Variants in LRGUK observed in about 807,000 individuals in gnomAD.
The protein encoded by LRGUK is leucine rich repeats and guanylate kinase domain containing, also known as leucine-rich repeat and guanylate kinase domain-containing protein.
LRGUK carries 65 observed loss-of-function variants against 76.0 expected under a neutral mutation model. The observed-to-expected ratio is 0.85, with a 90% CI of 0.70 to 1.05. LRGUK has a LOEUF of 1.05. LRGUK is among the 50% of genes least tolerant of loss of function. The pLI, the probability that LRGUK is intolerant of heterozygous loss-of-function variation, is 0.00. For synonymous variants in LRGUK, 268 were observed against 265.6 expected (o/e 1.01, Z -0.09); for missense variants, 758 against 732.8 (o/e 1.03, Z -0.40).
intron 6 of LRGUK, among the ~76,000 whole-genome samples, chr7:134,162,439 C>T (rs951347078): frequency 6.6e-6 from 1 of 152,208 alleles, no homozygotes; most frequent in African/African-American, 2.4e-5. Context: ...AAAGCAGAAG[C>T]TGTCAGGCCT....
At chr7:134,172,018 G>A (rs1358909292) in intron 7 of LRGUK, among the ~76,000 whole-genome samples, 1 of 152,096 alleles carries the variant, frequency 6.6e-6, no homozygotes, top group Non-Finnish European at 1.5e-5. Flanking sequence ...AAGGGAAGAT[G>A]GGTCCCTTTC....
At chr7:134,159,752 G>T (rs1184555528) in intron 6 of LRGUK, among the ~76,000 whole-genome samples, 1 of 152,164 alleles carries the variant, frequency 6.6e-6, no homozygotes, top group East Asian at 1.9e-4. Context: ...TCGTGCCACT[G>T]AACTCCAGTC....
chr7:134,257,033 G>A (rs1372128542), intron 18 of LRGUK, among the ~76,000 whole-genome samples: 1 of 152,132 alleles, frequency 6.6e-6, no homozygotes, highest in African/African-American at 2.4e-5. Context: ...GGAGAGGATC[G>A]TGTCCACCTT....
chr7:134,258,344 G>T, exon 19 of LRGUK: 1 of 1,614,090 alleles, frequency 6.2e-7, no homozygotes, highest in Non-Finnish European at 8.5e-7. Flanking sequence ...CTCCGGAGGG[G>T]AGCATTTCTT....
chr7:134,182,061 T>C (rs1799777383), intron 10 of LRGUK, among the ~76,000 whole-genome samples: 2 of 152,208 alleles, frequency 1.3e-5, no homozygotes, highest in South Asian at 2.1e-4. Flanking sequence ...CTATCTATAA[T>C]GCTGTTATTT....
At chr7:134,253,740 G>A (rs549144515) in intron 18 of LRGUK, among the ~76,000 whole-genome samples, 5 of 152,268 alleles carry the variant, frequency 3.3e-5, no homozygotes, top group East Asian at 1.9e-4. Flanking sequence ...AGTGAAACCC[G>A]GGAGGCAGAG....
intron 4 of LRGUK, among the ~76,000 whole-genome samples, chr7:134,145,217 G>T (rs906676541): frequency 1.3e-5 from 2 of 151,834 alleles, no homozygotes; most frequent in African/African-American, 2.4e-5. Flanking sequence ...AAGGAATGAT[G>T]GTGGCCTCCT....
At chr7:134,268,717 CTTTTTTTTTTTTTTTT>C (rs71531815), downstream of LRGUK, among the ~76,000 whole-genome samples, 10 of 57,324 alleles carry the variant, frequency 1.7e-4, no homozygotes, top group Non-Finnish European at 2.8e-4. Flanking sequence ...TGCAAAAAAT[CTTTTTTTTTTTTTTTT>C]TTTTTTTTTT....
chr7:134,163,650 G>A, intron 7 of LRGUK, 110 bp downstream of exon 7: 1 of 951,640 alleles, frequency 1.1e-6, no homozygotes. Flanking sequence ...CACATTAAAT[G>A]TCAGCTTAGA....
intron 7 of LRGUK, among the ~76,000 whole-genome samples, chr7:134,165,245 A>C (rs1798922241): frequency 6.6e-6 from 1 of 152,202 alleles, no homozygotes; most frequent in African/African-American, 2.4e-5. Flanking sequence ...TGTAATCCTT[A>C]TTATAACCCT....
At chr7:134,237,919 A>G (rs140653479) in intron 16 of LRGUK, among the ~76,000 whole-genome samples, 17 of 152,322 alleles carry the variant, frequency 1.1e-4, no homozygotes, top group African/African-American at 4.1e-4. Context: ...AGGAGATGAT[A>G]CAATCTCCCA....
At position 134,199,920 on chromosome 7, in the gene LRGUK, C is replaced by A. The variant is rs1256367266; in HGVS notation, c.1747+499C>A. 5.7e-5 allele frequency among the ~76,000 whole-genome samples: 7 copies of A among 123,360 alleles called. No individual in the cohort carries two copies. In the South Asian group the frequency reaches 1.3e-3, roughly 24 times the overall value. 80.9% of individuals were successfully genotyped at this position (123,360 alleles called of 152,430 possible). A position where few individuals can be genotyped will look rare whatever the true frequency, so the allele number is the denominator to read the frequency against. ...AGAATTTATCAAAATATGAAAATTT[C>A]TATATATATATGTACATATTTTTAC... is the stretch of plus-strand genomic sequence containing the variant. On this transcript the variant is annotated intron_variant, in intron 14 of 15. Transcript: ENST00000645682.
At chr7:134,218,317 G>A (rs958016543) in intron 15 of LRGUK, among the ~76,000 whole-genome samples, 5 of 152,138 alleles carry the variant, frequency 3.3e-5, no homozygotes, top group Non-Finnish European at 5.9e-5. Context: ...AAAAATTAAA[G>A]TCTGTTTCTA....
At chr7:134,142,634 C>T (rs1797812670) in intron 3 of LRGUK, among the ~76,000 whole-genome samples, 3 of 152,204 alleles carry the variant, frequency 2.0e-5, no homozygotes, top group Admixed American at 2.0e-4. Context: ...GGCATTTCCA[C>T]TCTTTATGAA....
At chr7:134,149,833 C>G (rs143419974) in intron 5 of LRGUK, among the ~76,000 whole-genome samples, 1 of 152,218 alleles carries the variant, frequency 6.6e-6, no homozygotes, top group African/African-American at 2.4e-5. Context: ...GTGTAGAGTG[C>G]TACACAGGAA....
chr7:134,179,333 A>T (rs1316719218), intron 10 of LRGUK, among the ~76,000 whole-genome samples: 3 of 152,222 alleles, frequency 2.0e-5, no homozygotes, highest in Admixed American at 2.0e-4. Flanking sequence ...AAATTCTATC[A>T]ATACCCAAAG....
intron 15 of LRGUK, among the ~76,000 whole-genome samples, chr7:134,218,113 T>C (rs4728313): frequency 0.051 from 7,827 of 152,052 alleles, 432 homozygotes; most frequent in East Asian, 0.15. Flanking sequence ...AGGTGCATGC[T>C]ACCATGCTCA....
intron 10 of LRGUK, among the ~76,000 whole-genome samples, chr7:134,180,867 ACT>A (rs1799710692): frequency 6.6e-6 from 1 of 151,574 alleles, no homozygotes; most frequent in African/African-American, 2.4e-5. Context: ...CCAAACAGAA[ACT>A]CTGTACCCAT....
intron 8 of LRGUK, among the ~76,000 whole-genome samples, chr7:134,175,804 A>G (rs1028150027): frequency 2.6e-5 from 4 of 152,184 alleles, no homozygotes; most frequent in African/African-American, 9.6e-5. Context: ...CAAAAACTCT[A>G]ATTATAATTT....
Sources: allele counts gnomAD v4.1 joint callset (sites outside exome capture counted in the v4.1 genomes callset), GRCh38; gene constraint gnomAD v4.1.1; transcripts MANE v1.5; gene names NCBI Gene and HGNC (gene_info 2026-07-23, HGNC 2026-07-21).